ANK3: variants seen among roughly 807,000 people sequenced by gnomAD.
The protein encoded by ANK3 is ankyrin-3.
In ANK3, 57 loss-of-function variants were observed where a neutral mutation model predicts 370.9. The ratio of observed to expected loss-of-function variants is 0.15; its 90% confidence interval spans 0.12 to 0.19. The LOEUF is 0.19. Among genes scored for constraint, ANK3 ranks in the 10% least tolerant of loss-of-function variants. ANK3 has a pLI of 1.00. For synonymous variants in ANK3, 1,929 were observed against 1,946.3 expected (o/e 0.99, Z 0.23); for missense variants, 4,439 against 5,302.1 (o/e 0.84, Z 5.06).
At chr10:60,116,593 T>A (rs1453170573) in intron 25 of ANK3, among the ~76,000 whole-genome samples, 1 of 148,984 alleles carries the variant, frequency 6.7e-6, no homozygotes, top group Non-Finnish European at 1.5e-5. Context: ...GACTACTTAT[T>A]AAAAAAAAAA....
In ANK3 at chr10:60,071,099, T is replaced by G; in HGVS notation, c.9782A>C (p.Asp3261Ala). Residue 3261 changes from aspartate to alanine, a missense_variant, in exon 37 of 44, where the codon GAT (aspartate) becomes GCT (alanine). Coordinates refer to ENST00000280772, the MANE Select transcript of ANK3 (RefSeq NM_020987.5). ...YIEFPPPPPLDADQIESDKKH... is the reference protein window; with the variant it reads ...YIEFPPPPPLAADQIESDKKH... Reference sequence around the variant, plus strand: ...CTTATCTGACTCAATCTGGTCCGCATCCAGTGGTGGAGGAGGGGGAAATTC... The same window carrying G: ...CTTATCTGACTCAATCTGGTCCGCAGCCAGTGGTGGAGGAGGGGGAAATTC... 1 of 1,614,152 alleles carries G rather than the reference T, an allele frequency of 6.2e-7. No homozygotes were observed. Among genetic ancestry groups the G allele is most frequent in the Non-Finnish European group, 8.5e-7 (1 of 1,180,010 alleles).
chr10:60,198,290 G>A (rs1565619279), intron 14 of ANK3, 50 bp downstream of exon 14: 2 of 1,584,654 alleles, frequency 1.3e-6, no homozygotes, highest in Non-Finnish European at 1.7e-6. Flanking sequence ...GAAACGTAAG[G>A]AAGATGTATT....
intron 1 of ANK3, among the ~76,000 whole-genome samples, chr10:60,708,491 A>G (rs1291258736): frequency 1.3e-5 from 2 of 152,334 alleles, no homozygotes; most frequent in Admixed American, 6.5e-5. Flanking sequence ...CAAGAGCCCC[A>G]CAAGTTTCTC....
At chr10:60,379,831 T>C (rs1029849315) in intron 1 of ANK3, among the ~76,000 whole-genome samples, 2 of 152,124 alleles carry the variant, frequency 1.3e-5, no homozygotes, top group Non-Finnish European at 2.9e-5. Context: ...GTTAATAATA[T>C]ATAGTTTCAA....
intron 1 of ANK3, among the ~76,000 whole-genome samples, chr10:60,284,693 T>C (rs1331777416): frequency 2.0e-5 from 3 of 152,104 alleles, no homozygotes; most frequent in East Asian, 3.9e-4. Flanking sequence ...AAGTTTATTA[T>C]GAGACTCAAG....
At chr10:60,634,320 C>T (rs973731500) in intron 1 of ANK3, among the ~76,000 whole-genome samples, 1 of 152,130 alleles carries the variant, frequency 6.6e-6, no homozygotes, top group Non-Finnish European at 1.5e-5. Context: ...TCAAAATTCT[C>T]CCCTAAACCA....
intron 1 of ANK3, among the ~76,000 whole-genome samples, chr10:60,707,176 A>G (rs977019345): frequency 1.3e-5 from 2 of 152,224 alleles, no homozygotes; most frequent in Non-Finnish European, 2.9e-5. Context: ...AATTTGGATC[A>G]TGTAAAATCT....
chr10:60,698,877 A>G (rs2079506407), intron 1 of ANK3, among the ~76,000 whole-genome samples: 2 of 148,130 alleles, frequency 1.4e-5, no homozygotes, highest in Admixed American at 6.8e-5. Context: ...CATTGTGCAC[A>G]TGTACCCTAA....
chr10:60,535,089 T>C (rs1302031967), intron 2 of ANK3, among the ~76,000 whole-genome samples: 1 of 152,166 alleles, frequency 6.6e-6, no homozygotes, highest in Non-Finnish European at 1.5e-5. Context: ...GACATGTTTT[T>C]CTTTTTGTGA....
At chr10:60,481,736 T>C (rs1189269208) in intron 2 of ANK3, among the ~76,000 whole-genome samples, 1 of 152,204 alleles carries the variant, frequency 6.6e-6, no homozygotes, top group African/African-American at 2.4e-5. Context: ...AGTGCTGGGA[T>C]TACAGGCGTG....
chr10:60,056,343 C>A (rs1236920230), intron 41 of ANK3, among the ~76,000 whole-genome samples: 1 of 152,090 alleles, frequency 6.6e-6, no homozygotes, highest in Non-Finnish European at 1.5e-5. Flanking sequence ...ATGGCACGTG[C>A]CTGTAATCCC....
At chr10:60,529,345 C>T (rs2076551218) in intron 2 of ANK3, among the ~76,000 whole-genome samples, 1 of 152,110 alleles carries the variant, frequency 6.6e-6, no homozygotes, top group South Asian at 2.1e-4. Context: ...TAGGCATAAA[C>T]ACAATGAGAG....
Position 60,166,879 on chromosome 10 carries a change from G to A in ANK3, c.2496C>T (p.His832=), listed in dbSNP as rs775893389. ...TCATCGTTTCTGGAACATTCATTTT[G>A]TGCTTCTCTGTGACAGTCTAGTAAC... is the stretch of plus-strand genomic sequence containing the variant. The part of the protein sequence containing the change: ...TMTTTTVTEK[H]KMNVPETMNE... Residue 832 remains histidine (H), a synonymous_variant, in exon 22 of 44, where the codon CAC becomes CAT. Transcript: ENST00000280772. 1 of 1,613,852 alleles carries A rather than the reference G, an allele frequency of 6.2e-7. No homozygotes were observed. The highest frequency in any genetic ancestry group is 2.2e-5 in the East Asian group (1 of 44,826).
chr10:60,481,434 G>A (rs995155881), intron 2 of ANK3, among the ~76,000 whole-genome samples: 5 of 151,830 alleles, frequency 3.3e-5, no homozygotes, highest in Non-Finnish European at 7.4e-5. Context: ...GCAAAATTCC[G>A]TAGTTCCTAT....
chr10:60,336,920 G>A (rs1465917865), intron 1 of ANK3, among the ~76,000 whole-genome samples: 1 of 152,090 alleles, frequency 6.6e-6, no homozygotes, highest in Non-Finnish European at 1.5e-5. Context: ...GATGAGGATG[G>A]CACCTGAATG....
Position 60,205,026 on chromosome 10 carries a change from A to G in ANK3, c.1293+766T>C, listed in dbSNP as rs538355492. On this transcript the variant is annotated intron_variant, in intron 11 of 43. Coordinates refer to ENST00000280772, the MANE Select transcript of ANK3 (RefSeq NM_020987.5). ...GCCAAGGGTTAGAATTAGAATTAAC[A>G]GAGATCAATCAGAGTGCTAGGATGT... 2.6e-4 allele frequency among the ~76,000 whole-genome samples: 39 copies of G among 152,284 alleles called. 1 individual carries two copies. Among genetic ancestry groups the G allele is most frequent in the African/African-American group, 8.4e-4 (35 of 41,566 alleles).
chr10:60,053,305 C>T (rs778701107), intron 42 of ANK3, among the ~76,000 whole-genome samples: 20 of 152,162 alleles, frequency 1.3e-4, no homozygotes, highest in Non-Finnish European at 1.3e-4. Flanking sequence ...ATTATCTGTA[C>T]ATGGAATCAT....
intron 2 of ANK3, among the ~76,000 whole-genome samples, chr10:60,481,985 T>C (rs2075231818): frequency 6.6e-6 from 1 of 152,192 alleles, no homozygotes; most frequent in Non-Finnish European, 1.5e-5. Context: ...GAGACTGCTA[T>C]GAAATCCTGG....
chr10:60,116,567 C>T (rs2093101387), intron 25 of ANK3, among the ~76,000 whole-genome samples: 1 of 148,960 alleles, frequency 6.7e-6, no homozygotes. Context: ...GATATTTTTA[C>T]ACCTATGAAA....
Sources: allele counts gnomAD v4.1 joint callset (sites outside exome capture counted in the v4.1 genomes callset), GRCh38; gene constraint gnomAD v4.1.1; transcripts MANE v1.5; gene names NCBI Gene and HGNC (gene_info 2026-07-23, HGNC 2026-07-21).